LRRC4B: variants seen among roughly 807,000 people sequenced by gnomAD.
LRRC4B encodes leucine rich repeat containing 4B.
In LRRC4B, 1 loss-of-function variant was observed where a neutral mutation model predicts 7.3. The ratio of observed to expected loss-of-function variants is 0.14; its 90% CI spans 0.05 to 0.65. LRRC4B has a LOEUF of 0.65. Among genes scored for constraint, LRRC4B ranks in the 30% least tolerant of loss-of-function variants. The probability of loss-of-function intolerance (pLI) is 0.84; values close to 1 mark genes in which losing one functional copy is unlikely to be tolerated. For synonymous variants in LRRC4B, 500 were observed against 499.2 expected (o/e 1.00, Z -0.02); for missense variants, 730 against 1,041.6 (o/e 0.70, Z 4.12).
At position 50,553,029 on chromosome 19, in the gene LRRC4B, T is replaced by C. The variant is rs893526452; in HGVS notation, c.-35-4156A>G. On this transcript the variant is annotated intron_variant, in intron 1 of 2. Transcript: ENST00000652263. This position sits in a 1 kb window ranked among gnomAD's most constrained non-coding sequence, Gnocchi z 4.2. The stretch of plus-strand genomic sequence containing the variant: ...CACTGTGAAACAGGGATAATGGGAG[T>C]ATCTGCCTCCTAGGGCCACTGTGGG... 6.6e-6 allele frequency among the ~76,000 whole-genome samples: 1 copy of C among 152,008 alleles called. No homozygotes were observed. Among genetic ancestry groups the C allele is most frequent in the African/African-American group, 2.4e-5 (1 of 41,378 alleles).
intron 2 of LRRC4B, among the ~76,000 whole-genome samples, chr19:50,538,556 C>CTTTT (rs1981394122): frequency 2.1e-5 from 2 of 96,364 alleles, no homozygotes; most frequent in Non-Finnish European, 2.2e-5. Context: ...TGGGTTTTGT[C>CTTTT]TTGTTTTTTT....
At position 50,556,485 on chromosome 19, in the gene LRRC4B, C is replaced by T. The variant is rs1000131747; in HGVS notation, c.-35-7612G>A. 2.0e-5 allele frequency among the ~76,000 whole-genome samples: 3 copies of T among 152,144 alleles called. No homozygotes were observed. Among genetic ancestry groups the T allele is most frequent in the African/African-American group, 4.8e-5 (2 of 41,438 alleles). On this transcript the variant is annotated intron_variant, in intron 1 of 2. Transcript: ENST00000652263. This position sits in a 1 kb window ranked among gnomAD's most constrained non-coding sequence, Gnocchi z 4.2. The stretch of plus-strand genomic sequence containing the variant: ...GTGCTCTTCCTGGGGTCAGGGGGGG[C>T]TCTGCGTTCCCACGACACCTCCAGG...
rs528193285 is a variant in LRRC4B, at chr19:50,539,144, C to T, written c.297+9398G>A. The stretch of plus-strand genomic sequence containing the variant: ...CCACCTGCCTTGGCTTCCCAAAGTG[C>T]TGGGATTACAGGCGTGAGCCACCGT... On this transcript the variant is annotated intron_variant, in intron 2 of 2. Coordinates refer to ENST00000652263, the MANE Select transcript of LRRC4B (RefSeq NM_001080457.2). Among the ~76,000 whole-genome samples the T allele has an allele frequency of 1.9e-3, 289 of 152,292 alleles. 1 individual carries two copies. Among genetic ancestry groups the T allele is most frequent in the African/African-American group, 6.5e-3 (269 of 41,570 alleles).
chr19:50,566,316 C>G (rs1230754784), intron 1 of LRRC4B, among the ~76,000 whole-genome samples: 1 of 150,994 alleles, frequency 6.6e-6, no homozygotes, highest in African/African-American at 2.4e-5. Flanking sequence ...GGATGTGAGG[C>G]GCATAGCAAT....
rs1321941791 is a variant in LRRC4B, at chr19:50,517,076, CCGGGCGCTGGGA to C, written c.*483_*494del. The C allele has an allele frequency of 3.3e-5, 5 of 152,002 alleles. No individual in the cohort carries two copies. The highest frequency in any genetic ancestry group is 7.4e-5 in the Non-Finnish European group (5 of 67,994). 9.4% of individuals were successfully genotyped at this position (152,002 alleles called of 1,614,324 possible). A position where few individuals can be genotyped will look rare whatever the true frequency, so the allele number is the denominator to read the frequency against. Reference sequence around the variant, plus strand: ...CAGGGACCGCCGGCCGGGAGCAGAGCCGGGCGCTGGGACGGGAGCTCTGGCGACGTGTCCATC... The same window carrying C: ...CAGGGACCGCCGGCCGGGAGCAGAGCCGGGAGCTCTGGCGACGTGTCCATC... On this transcript the variant is annotated 3_prime_UTR_variant, in exon 3 of 3. Coordinates refer to ENST00000652263, the MANE Select transcript of LRRC4B (RefSeq NM_001080457.2). The surrounding 1 kb of genome is among the most constrained non-coding windows in gnomAD (Gnocchi z 6.6).
Position 50,517,257 on chromosome 19 carries a change from C to G in LRRC4B, c.*314G>C. 4.2e-6 allele frequency: 1 copy of G among 235,468 alleles called. No individual in the cohort carries two copies. The highest frequency in any genetic ancestry group is 7.4e-5 in the East Asian group (1 of 13,456). The allele number at this position is 235,468 out of a possible 1,614,324, so 14.6% of individuals were successfully genotyped here. ...TCTCTCCCCTGGAAGGCGGCGGGCC[C>G]GGAACGCTTGGTGGGAGAGCGAGGA... On this transcript the variant is annotated 3_prime_UTR_variant, in exon 3 of 3. Coordinates refer to ENST00000652263, the MANE Select transcript of LRRC4B (RefSeq NM_001080457.2). This position sits in a 1 kb window ranked among gnomAD's most constrained non-coding sequence, Gnocchi z 6.6.
chr19:50,546,650 C>A (rs763141183), intron 2 of LRRC4B, among the ~76,000 whole-genome samples: 199 of 152,162 alleles, frequency 1.3e-3, no homozygotes, highest in Non-Finnish European at 1.9e-3. Flanking sequence ...ACGGAGGGAG[C>A]GGGCCTGTGC....
chr19:50,536,458 C>G (rs925306873), intron 2 of LRRC4B, among the ~76,000 whole-genome samples: 2 of 152,172 alleles, frequency 1.3e-5, no homozygotes, highest in African/African-American at 4.8e-5. Flanking sequence ...TCTGAACGAC[C>G]TCTTTCTGCA....
At chr19:50,535,154 C>G (rs879714227) in intron 2 of LRRC4B, among the ~76,000 whole-genome samples, 4 of 151,956 alleles carry the variant, frequency 2.6e-5, no homozygotes, top group Admixed American at 6.6e-5. Context: ...AGGCGTGACC[C>G]ACCACGCCCG....
intron 2 of LRRC4B, among the ~76,000 whole-genome samples, chr19:50,542,696 C>T (rs973080197): frequency 1.3e-5 from 2 of 151,932 alleles, no homozygotes; most frequent in South Asian, 4.1e-4. Flanking sequence ...AGGCTGGTCT[C>T]GAACTCCTAA....
Position 50,518,456 on chromosome 19 carries a change from G to A in LRRC4B, c.1257C>T (p.Gly419=), listed in dbSNP as rs1314081806. 1.9e-6 allele frequency: 3 copies of A among 1,551,800 alleles called. No homozygotes were observed. Among genetic ancestry groups the A allele is most frequent in the Admixed American group, 1.9e-5 (1 of 51,994 alleles). Residue 419 remains glycine, a synonymous_variant, in exon 3 of 3, where the codon GGC becomes GGT. Transcript: ENST00000652263. ...CGGTGACGTTGGTGAAGTTAAGCGT[G>A]CCGTCATGCAGGACGGAGATGCGCA... ...YRVRISVLHD[G]TLNFTNVTVQ...
chr19:50,567,004 G>A (rs1453676178), intron 1 of LRRC4B, among the ~76,000 whole-genome samples: 2 of 151,534 alleles, frequency 1.3e-5, no homozygotes, highest in African/African-American at 2.4e-5. Context: ...CAGAAGGTCT[G>A]GAGAGGGATA....
At chr19:50,542,974 C>G (rs1981617449) in intron 2 of LRRC4B, among the ~76,000 whole-genome samples, 1 of 152,122 alleles carries the variant, frequency 6.6e-6, no homozygotes, top group Non-Finnish European at 1.5e-5. Flanking sequence ...CCACACCGCA[C>G]CCAGGCCAGG....
chr19:50,525,627 C>G (rs1317479232), intron 2 of LRRC4B, among the ~76,000 whole-genome samples: 1 of 150,386 alleles, frequency 6.6e-6, no homozygotes, highest in African/African-American at 2.5e-5. Flanking sequence ...ATCATGTTGG[C>G]CAGGCTGGTC....
At chr19:50,539,660 A>T (rs928508562) in intron 2 of LRRC4B, among the ~76,000 whole-genome samples, 1 of 152,022 alleles carries the variant, frequency 6.6e-6, no homozygotes, top group African/African-American at 2.4e-5. Flanking sequence ...AGGCCGAGGC[A>T]GGTGGATCAC....
rs754259379 is a variant in LRRC4B at position 50,517,637 on chromosome 19, G to A, written c.2076C>T (p.Asn692=). 7.0e-5 allele frequency: 105 copies of A among 1,498,414 alleles called. No homozygotes were observed. Among genetic ancestry groups the A allele is most frequent in the Non-Finnish European group, 8.9e-5 (100 of 1,127,752 alleles). The allele number at this position is 1,498,414 out of a possible 1,614,324, so 92.8% of individuals were successfully genotyped here. ...TGAAGAGCAGAGGTTCGTGGATGGA[G>A]TTGAGGCCAGGCGGGCCTTTGCCCC... ...GCGGKGPPGL[N]SIHEPLLFKS... Residue 692 remains asparagine (N), a synonymous_variant, in exon 3 of 3, where the codon AAC becomes AAT. Transcript: ENST00000652263. This position sits in a 1 kb window ranked among gnomAD's most constrained non-coding sequence, Gnocchi z 6.6.
chr19:50,550,613 G>C (rs994325347), intron 1 of LRRC4B, among the ~76,000 whole-genome samples: 2 of 152,192 alleles, frequency 1.3e-5, no homozygotes, highest in Admixed American at 1.3e-4. Flanking sequence ...GTGTATCTGA[G>C]TGCATGTGTG....
At position 50,531,750 on chromosome 19, in the gene LRRC4B, G is replaced by C. The variant is rs373510479; in HGVS notation, c.298-12335C>G. 3.3e-5 allele frequency among the ~76,000 whole-genome samples: 5 copies of C among 152,154 alleles called. No homozygotes were observed. The East Asian group carries it at 9.6e-4, about 29-fold the overall frequency. On this transcript the variant is annotated intron_variant, in intron 2 of 2. Transcript: ENST00000652263. ...GCTGCTGACCAGCCTGAACTCCCTG[G>C]TGGCCTCGGGCAAGTGTCCTCACCT...
chr19:50,558,090 C>T (rs1369861412), intron 1 of LRRC4B: 1 of 152,090 alleles, frequency 6.6e-6, no homozygotes, highest in Non-Finnish European at 1.5e-5. Flanking sequence ...ATCAACAGAA[C>T]ACTATTAGGA....
Sources: gnomAD v4.1 joint callset for allele counts (sites outside exome capture counted in the v4.1 genomes callset) on GRCh38, gnomAD v4.1.1 for gene constraint, Gnocchi (gnomAD v3.1) non-coding constraint, MANE v1.5 for transcripts, NCBI Gene and HGNC (gene_info 2026-07-23, HGNC 2026-07-21) for gene names.